Variants in ITGA9 observed in about 807,000 individuals in gnomAD.
ITGA9 encodes integrin subunit alpha 9.
ITGA9 carries 56 observed loss-of-function variants against 127.8 expected under a neutral mutation model. That is an observed-to-expected ratio of 0.44 (90% CI 0.35 to 0.55). ITGA9 has a LOEUF of 0.55. ITGA9 is among the 20% of genes least tolerant of loss of function. The pLI is 0.00. For missense variants in ITGA9, 1,196 were observed against 1,347.1 expected (o/e 0.89, Z 1.76); for synonymous variants, 508 against 514.5 (o/e 0.99, Z 0.17).
At chr3:37,570,576 A>G (rs1415255640) in intron 15 of ITGA9, among the ~76,000 whole-genome samples, 1 of 152,204 alleles carries the variant, frequency 6.6e-6, no homozygotes, top group Non-Finnish European at 1.5e-5. Context: ...TGAGATTCCC[A>G]GAGGAGGAGG....
intron 1 of ITGA9, among the ~76,000 whole-genome samples, chr3:37,464,194 T>C (rs548043970): frequency 7.5e-4 from 114 of 152,034 alleles, no homozygotes; most frequent in African/African-American, 2.4e-3. Flanking sequence ...TTTTTGCAGA[T>C]TTTTTTGTGC....
At chr3:37,669,228 G>T (rs1443669960) in intron 17 of ITGA9, among the ~76,000 whole-genome samples, 1 of 152,236 alleles carries the variant, frequency 6.6e-6, no homozygotes, top group East Asian at 1.9e-4. Flanking sequence ...GCTGCAAGCT[G>T]CTCACAGTGG....
At chr3:37,759,102 T>C (rs894092922) in intron 23 of ITGA9, among the ~76,000 whole-genome samples, 3 of 143,182 alleles carry the variant, frequency 2.1e-5, no homozygotes, top group African/African-American at 5.2e-5. Context: ...CACACACACA[T>C]ATACCCACAT....
At chr3:37,612,974 T>A (rs1458399110) in intron 15 of ITGA9, among the ~76,000 whole-genome samples, 5 of 150,000 alleles carry the variant, frequency 3.3e-5, no homozygotes, top group Admixed American at 1.3e-4. Flanking sequence ...TTTTTTTTTT[T>A]AATTATACTT....
intron 6 of ITGA9, among the ~76,000 whole-genome samples, chr3:37,504,025 A>C (rs978917610): frequency 3.3e-5 from 5 of 152,234 alleles, no homozygotes; most frequent in African/African-American, 1.2e-4. Context: ...GCTCTTTCGC[A>C]CTCATGATAC....
chr3:37,720,877 A>T (rs568543300), intron 18 of ITGA9, among the ~76,000 whole-genome samples: 133 of 152,356 alleles, frequency 8.7e-4, no homozygotes, highest in Non-Finnish European at 1.6e-3. Flanking sequence ...GTTAGGAACG[A>T]GACAGCTTAT....
chr3:37,783,029 C>T (rs1696996122), intron 25 of ITGA9, among the ~76,000 whole-genome samples: 1 of 152,006 alleles, frequency 6.6e-6, no homozygotes, highest in South Asian at 2.1e-4. Flanking sequence ...GTCTCAGCTA[C>T]TCGGGAGGCT....
At chr3:37,659,983 AACACACAC>A (rs10694969) in intron 17 of ITGA9, among the ~76,000 whole-genome samples, 1 of 149,934 alleles carries the variant, frequency 6.7e-6, no homozygotes, top group Non-Finnish European at 1.5e-5. Context: ...AAGATGATGT[AACACACAC>A]ACACACACAC....
At chr3:37,531,782 G>C (rs968968725) in intron 13 of ITGA9, among the ~76,000 whole-genome samples, 1 of 152,222 alleles carries the variant, frequency 6.6e-6, no homozygotes, top group African/African-American at 2.4e-5. Context: ...GGGAACGAGA[G>C]GATGAATTCA....
At chr3:37,610,535 A>AGATGAT (rs1700006245) in intron 15 of ITGA9, among the ~76,000 whole-genome samples, 1 of 152,190 alleles carries the variant, frequency 6.6e-6, no homozygotes, top group Admixed American at 6.5e-5. Context: ...CATATTGGCA[A>AGATGAT]ACTCTAAGAT....
At position 37,661,988 on chromosome 3, in the gene ITGA9, G is replaced by A. The variant is rs558689098; in HGVS notation, c.1916+8198G>A. On this transcript the variant is annotated intron_variant, in intron 17 of 27. Transcript: ENST00000264741. ...GGAGGCAGTCAGGAGAACACAGTGA[G>A]AGACAGGGAAGGAGAAAGGGAGAGA... Among the ~76,000 whole-genome samples, 5 of 152,360 alleles carry A rather than the reference G, an allele frequency of 3.3e-5. No homozygotes were observed. In the South Asian group the frequency reaches 8.3e-4, roughly 25 times the overall value.
intron 15 of ITGA9, among the ~76,000 whole-genome samples, chr3:37,559,081 G>T (rs562206439): frequency 6.6e-6 from 1 of 152,316 alleles, no homozygotes; most frequent in Non-Finnish European, 1.5e-5. Flanking sequence ...GTCACCCTGG[G>T]AATAGGACCC....
chr3:37,521,513 A>T (rs1387832781), intron 11 of ITGA9, among the ~76,000 whole-genome samples: 1 of 152,070 alleles, frequency 6.6e-6, no homozygotes, highest in East Asian at 1.9e-4. Context: ...GCTGGAGGGG[A>T]CACTGCATAG....
chr3:37,793,241 C>T (rs112713182), intron 26 of ITGA9, among the ~76,000 whole-genome samples: 7,241 of 151,978 alleles, frequency 0.048, 326 homozygotes, highest in African/African-American at 0.11. Context: ...GACCCGTGGG[C>T]TCTAAAGAAG....
At position 37,777,406 on chromosome 3, in the gene ITGA9, G is replaced by A; in HGVS notation, c.2556G>A (p.Lys852=). 2 of 1,614,072 alleles carry A rather than the reference G, an allele frequency of 1.2e-6. No homozygotes were observed. Among genetic ancestry groups the A allele is most frequent in the Middle Eastern group, 1.6e-4 (1 of 6,062 alleles). ...TTCATTTGCAGGTGGGCCAAGAGAA[G>A]GGAAACTGCTCTTTCCAGAAAAACC... ...HVQEMVVGQE[K]GNCSFQKNPT... is the part of the protein sequence containing the mutation. The change falls in exon 24 of 28, where the codon AAG becomes AAA. Residue 852 remains lysine (K), a synonymous_variant. Coordinates refer to ENST00000264741, the MANE Select transcript of ITGA9 (RefSeq NM_002207.3).
At chr3:37,702,482 G>A (rs1303035198) in intron 18 of ITGA9, among the ~76,000 whole-genome samples, 3 of 152,166 alleles carry the variant, frequency 2.0e-5, no homozygotes, top group African/African-American at 4.8e-5. Context: ...GTTTTTCTCT[G>A]GGAGGGTTAA....
At chr3:37,776,350 A>C (rs909098314) in intron 23 of ITGA9, among the ~76,000 whole-genome samples, 2 of 152,166 alleles carry the variant, frequency 1.3e-5, no homozygotes, top group African/African-American at 4.8e-5. Flanking sequence ...TTAAAAAAAA[A>C]CCAACAGCAA....
rs372799617 is a variant in ITGA9, at chr3:37,481,661, C to T, written c.544+54C>T. On this transcript the variant is annotated intron_variant, in intron 4 of 27. Transcript: ENST00000264741. The stretch of plus-strand genomic sequence containing the variant: ...CCCTACCCACCTCATGCCCTAAGCC[C>T]GCCTTCCCACCTCTATGCACCACCA... 6.6e-5 allele frequency: 106 copies of T among 1,607,126 alleles called. No individual in the cohort carries two copies. The East Asian group carries it at 1.3e-3, about 20-fold the overall frequency.
chr3:37,592,470 A>G (rs933492619), intron 15 of ITGA9, among the ~76,000 whole-genome samples: 4 of 152,170 alleles, frequency 2.6e-5, no homozygotes, highest in Non-Finnish European at 5.9e-5. Flanking sequence ...TAAACACTCC[A>G]GCCTAGAAAT....
Sources: gnomAD v4.1 joint callset for allele counts (sites outside exome capture counted in the v4.1 genomes callset) on GRCh38, gnomAD v4.1.1 for gene constraint, MANE v1.5 for transcripts, NCBI Gene and HGNC (gene_info 2026-07-23, HGNC 2026-07-21) for gene names.